The following FMNL3 variants were observed in gnomAD, a reference collection of about 807,000 sequenced individuals.
FMNL3 encodes the protein formin-like protein 3.
Under a neutral mutation model 119.6 loss-of-function variants are expected in FMNL3, and 57 were observed. That is an observed-to-expected ratio of 0.48 (90% CI 0.39 to 0.59). The LOEUF is 0.59. FMNL3 is among the 20% of genes least tolerant of loss of function. The pLI, the probability that FMNL3 is intolerant of heterozygous loss-of-function variation, is 0.00. For missense variants in FMNL3, 1,053 were observed against 1,323.5 expected (o/e 0.80, Z 3.17); for synonymous variants, 491 against 507.3 (o/e 0.97, Z 0.43).
At chr12:49,697,319 G>A (rs1944777989) in intron 1 of FMNL3, among the ~76,000 whole-genome samples, 1 of 152,176 alleles carries the variant, frequency 6.6e-6, no homozygotes, top group Non-Finnish European at 1.5e-5. Flanking sequence ...GCTAGGAAAT[G>A]GGAAAACCAA....
At position 49,644,350 on chromosome 12, in the gene FMNL3, C is replaced by T. The variant is rs1043142248; in HGVS notation, c.*1465G>A. ...CCATTGTTGGCACCTCTCAAGGTTG[C>T]TCTTGGTGTTCAAGGGTCCCCTACT... On this transcript the variant is annotated 3_prime_UTR_variant, in exon 26 of 26. Coordinates refer to ENST00000335154, the MANE Select transcript of FMNL3 (RefSeq NM_175736.5). 16 of 836,580 alleles carry T rather than the reference C, an allele frequency of 1.9e-5. No homozygotes were observed. The African/African-American group carries it at 2.0e-4, about 11-fold the overall frequency. 51.8% of individuals were successfully genotyped at this position (836,580 alleles called of 1,614,324 possible). A position where few individuals can be genotyped will look rare whatever the true frequency, so the allele number is the denominator to read the frequency against.
intron 1 of FMNL3, 53 bp downstream of exon 1, chr12:49,707,002 C>A (rs761284724): frequency 7.1e-6 from 11 of 1,540,594 alleles, no homozygotes; most frequent in Non-Finnish European, 8.8e-6. Context: ...CCAGCCCGGG[C>A]GTCGGGACCT....
chr12:49,686,016 G>A (rs896322355), intron 1 of FMNL3, among the ~76,000 whole-genome samples: 1 of 152,134 alleles, frequency 6.6e-6, no homozygotes, highest in Non-Finnish European at 1.5e-5. Context: ...GCAGTGAGCT[G>A]AGATTGTGCC....
rs1400624125 is a variant in FMNL3 at position 49,643,665 on chromosome 12, C to A, written c.*2150G>T. 6.2e-7 allele frequency: 1 copy of A among 1,609,208 alleles called. No homozygotes were observed. Among genetic ancestry groups the A allele is most frequent in the Admixed American group, 1.7e-5 (1 of 59,084 alleles). On this transcript the variant is annotated 3_prime_UTR_variant, in exon 26 of 26. Coordinates refer to ENST00000335154, the MANE Select transcript of FMNL3 (RefSeq NM_175736.5). ...AGAGCCTGTCTTTCTCCTGTTGGGA[C>A]TTAGTAGGGATTTTTCTATCTCTAG... is the stretch of plus-strand genomic sequence containing the variant.
chr12:49,684,846 T>C (rs1944417876), intron 1 of FMNL3, among the ~76,000 whole-genome samples: 1 of 152,194 alleles, frequency 6.6e-6, no homozygotes, highest in African/African-American at 2.4e-5. Flanking sequence ...AGTGCTTATA[T>C]GAGGTTGATT....
chr12:49,696,945 G>A (rs545152698), intron 1 of FMNL3, among the ~76,000 whole-genome samples: 2 of 152,262 alleles, frequency 1.3e-5, no homozygotes, highest in African/African-American at 4.8e-5. Flanking sequence ...ATTCCTCCAG[G>A]CTGGCAGCCA....
chr12:49,647,767 C>G lies in FMNL3; in HGVS notation c.2714G>C (p.Ser905Thr). The change falls in exon 23 of 26, where the codon AGT becomes ACT. Residue 905 changes from serine to threonine, a missense_variant. This residue lies in a region of FMNL3 where 324 missense variants were observed against 380.9 expected (regional missense o/e 0.85). Coordinates refer to ENST00000335154, the MANE Select transcript of FMNL3 (RefSeq NM_175736.5). The surrounding 1 kb of genome is among the most constrained non-coding windows in gnomAD (Gnocchi z 4.9). ...YNAVVRYFGE[S>T]PKTTPPSVFF... ...TACAGAAGGAGGTGTAGTCTTGGGACTCTCGCCAAAGTAGCGCACAACTGC... is the reference window on the plus strand; with the variant it reads ...TACAGAAGGAGGTGTAGTCTTGGGAGTCTCGCCAAAGTAGCGCACAACTGC... 1.2e-6 allele frequency: 2 copies of G among 1,613,612 alleles called. No individual in the cohort carries two copies. The highest frequency in any genetic ancestry group is 1.7e-6 in the Non-Finnish European group (2 of 1,179,826).
In FMNL3 at chr12:49,642,932, T is replaced by A. The variant is rs1178811943; in HGVS notation, c.*2883A>T. The A allele has an allele frequency of 2.5e-6, 4 of 1,612,942 alleles. No homozygotes were observed. Among genetic ancestry groups the A allele is most frequent in the Non-Finnish European group, 3.4e-6 (4 of 1,179,456 alleles). ...CCTTCTTCCTCTGCCTCTAGCAGACTGAATGCCAGCACCTCCACACCAAAG... is the reference window on the plus strand; with the variant it reads ...CCTTCTTCCTCTGCCTCTAGCAGACAGAATGCCAGCACCTCCACACCAAAG... On this transcript the variant is annotated 3_prime_UTR_variant, in exon 26 of 26. Coordinates refer to ENST00000335154, the MANE Select transcript of FMNL3 (RefSeq NM_175736.5). This position sits in a 1 kb window ranked among gnomAD's most constrained non-coding sequence, Gnocchi z 5.8.
chr12:49,650,595 T>C (rs1943365491), intron 17 of FMNL3, 81 bp downstream of exon 17: 4 of 1,505,306 alleles, frequency 2.7e-6, no homozygotes, highest in African/African-American at 1.4e-5. Flanking sequence ...TGACCTGGAA[T>C]CTAGGGAAAC....
chr12:49,700,612 G>C (rs1944880989), intron 1 of FMNL3, among the ~76,000 whole-genome samples: 1 of 148,976 alleles, frequency 6.7e-6, no homozygotes, highest in Non-Finnish European at 1.5e-5. Context: ...TTACTCAGGA[G>C]GTTGAGGCAG....
At position 49,637,439 on chromosome 12, in the gene FMNL3, C is replaced by A; in HGVS notation, c.*8376G>T. On this transcript the variant is annotated 3_prime_UTR_variant, in exon 26 of 26. Transcript: ENST00000335154. The stretch of plus-strand genomic sequence containing the variant: ...TCTGTGGCTCTGCCTCCCTGTCTCA[C>A]TCTCCCTATAACTGGCCTCTCCCTG... The A allele has an allele frequency of 2.0e-6, 3 of 1,512,504 alleles. No homozygotes were observed. Among genetic ancestry groups the A allele is most frequent in the Non-Finnish European group, 2.7e-6 (3 of 1,091,062 alleles). 93.7% of individuals were successfully genotyped at this position (1,512,504 alleles called of 1,614,324 possible).
intron 10 of FMNL3, among the ~76,000 whole-genome samples, 199 bp from the exon 11 acceptor site, chr12:49,654,501 G>A (rs1943510110): frequency 6.6e-6 from 1 of 152,214 alleles, no homozygotes; most frequent in Admixed American, 6.5e-5. Flanking sequence ...ATAAAGACAA[G>A]TAAATTACAT....
chr12:49,642,121 A>AGG lies in FMNL3; in HGVS notation c.*3692_*3693dup. 1 of 1,603,324 alleles carries AGG rather than the reference A, an allele frequency of 6.2e-7. No homozygotes were observed. The highest frequency in any genetic ancestry group is 8.5e-7 in the Non-Finnish European group (1 of 1,172,444). On this transcript the variant is annotated 3_prime_UTR_variant, in exon 26 of 26. Transcript: ENST00000335154. The surrounding 1 kb of genome is among the most constrained non-coding windows in gnomAD (Gnocchi z 5.8). ...GTCCCACTGACTATATTCCCAATTC[A>AGG]GGGGATGGTGGTAGAAGCCCAGACC...
At chr12:49,661,920 TCCTCCC>T in intron 5 of FMNL3, 40 bp downstream of exon 5, 1 of 1,535,930 alleles carries the variant, frequency 6.5e-7, no homozygotes, top group Non-Finnish European at 9.0e-7. Context: ...TGGAACTATG[TCCTCCC>T]CCAACTGGTC....
chr12:49,666,929 T>C (rs577113827), intron 2 of FMNL3, among the ~76,000 whole-genome samples: 1 of 152,328 alleles, frequency 6.6e-6, no homozygotes, highest in Admixed American at 6.5e-5. Context: ...CAATGAACTC[T>C]GCAGTTGGGA....
chr12:49,643,272 C>G lies in FMNL3; in HGVS notation c.*2543G>C, dbSNP rs151181775. The G allele has an allele frequency of 3.0e-5, 48 of 1,614,078 alleles. No individual in the cohort carries two copies. The African/African-American group carries it at 3.1e-4, about 10-fold the overall frequency. ...CTGCCCCCACCATCTCTCCGGCCCC[C>G]CAAGCGGAGGAGGCGGAACCCCTCA... On this transcript the variant is annotated 3_prime_UTR_variant, in exon 26 of 26. Transcript: ENST00000335154.
chr12:49,684,330 G>A lies in FMNL3; in HGVS notation c.127-15776C>T, dbSNP rs370435034. ...TGAGTGCTGATGTGATTCTTTAGCCGCCCTGCCACAAAATAAGGCTCTCTC... is the reference window on the plus strand; with the variant it reads ...TGAGTGCTGATGTGATTCTTTAGCCACCCTGCCACAAAATAAGGCTCTCTC... On this transcript the variant is annotated intron_variant, in intron 1 of 25. Coordinates refer to ENST00000335154, the MANE Select transcript of FMNL3 (RefSeq NM_175736.5). Among the ~76,000 whole-genome samples, 4 of 152,144 alleles carry A rather than the reference G, an allele frequency of 2.6e-5. No homozygotes were observed. The East Asian group carries it at 7.7e-4, about 29-fold the overall frequency.
At chr12:49,702,666 G>A (rs1398608755) in intron 1 of FMNL3, among the ~76,000 whole-genome samples, 1 of 152,038 alleles carries the variant, frequency 6.6e-6, no homozygotes, top group Admixed American at 6.6e-5. Context: ...CCCAGACTAA[G>A]GCAGGGTCAT....
At position 49,699,715 on chromosome 12, in the gene FMNL3, C is replaced by T. The variant is rs917551089; in HGVS notation, c.126+7340G>A. ...CTATACGAAATGTATACATTTATTA[C>T]ATAGACATATGTATATAATAAATCC... On this transcript the variant is annotated intron_variant, in intron 1 of 25. Transcript: ENST00000335154. 2.4e-4 allele frequency among the ~76,000 whole-genome samples: 36 copies of T among 152,108 alleles called. 1 individual carries two copies. The highest frequency in any genetic ancestry group is 5.3e-4 in the Non-Finnish European group (36 of 68,020).
Sources: gnomAD v4.1 joint callset for allele counts (sites outside exome capture counted in the v4.1 genomes callset) on GRCh38, gnomAD v4.1.1 for gene constraint, gnomAD v4.1.1 regional missense constraint, Gnocchi (gnomAD v3.1) non-coding constraint, MANE v1.5 for transcripts, NCBI Gene and HGNC (gene_info 2026-07-23, HGNC 2026-07-21) for gene names.